Variants in ZNF552 observed in about 807,000 individuals in gnomAD.
ZNF552 encodes zinc finger protein 552.
ZNF552 carries 2 observed loss-of-function variants against 7.2 expected under a neutral mutation model. That is an observed-to-expected ratio of 0.28 (90% CI 0.11 to 0.88). ZNF552 has a LOEUF of 0.88. Ranked by LOEUF, ZNF552 falls within the 40% of genes least tolerant of loss-of-function variation. The pLI is 0.60. For missense variants in ZNF552, 421 were observed against 493.4 expected (o/e 0.85, Z 1.39); for synonymous variants, 173 against 176.5 (o/e 0.98, Z 0.16).
At position 57,814,785 on chromosome 19, in the gene ZNF552, G is replaced by C. The variant is rs1987929851; in HGVS notation, c.-42C>G. The C allele has an allele frequency of 1.3e-6, 2 of 1,522,884 alleles. No homozygotes were observed. The highest frequency in any genetic ancestry group is 1.8e-6 in the Non-Finnish European group (2 of 1,116,066). The allele number at this position is 1,522,884 out of a possible 1,614,324, so 94.3% of individuals were successfully genotyped here. A position where few individuals can be genotyped will look rare whatever the true frequency, so the allele number is the denominator to read the frequency against. ...AGCTGGGTTGAGAGCAGCGGGCGCC[G>C]TTAAAGAGCTGCAGAGTCACGTCTG... On this transcript the variant is annotated 5_prime_UTR_variant, in exon 1 of 3. Transcript: ENST00000391701.
At chr19:57,810,443 T>TA (rs1332346874) in intron 2 of ZNF552, among the ~76,000 whole-genome samples, 1 of 152,206 alleles carries the variant, frequency 6.6e-6, no homozygotes, top group Non-Finnish European at 1.5e-5. Flanking sequence ...GAGATGCTGT[T>TA]AATCTGTAAC....
At chr19:57,809,218 C>G in intron 2 of ZNF552, 115 bp from the exon 3 acceptor site, 1 of 1,599,752 alleles carries the variant, frequency 6.3e-7, no homozygotes, top group Non-Finnish European at 8.5e-7. Context: ...CTTGGAGGAA[C>G]AGGATGTTGG....
chr19:57,811,259 G>A (rs1043594946), intron 2 of ZNF552, among the ~76,000 whole-genome samples: 3 of 151,950 alleles, frequency 2.0e-5, no homozygotes, highest in Non-Finnish European at 4.4e-5. Context: ...TGCAAGCTCC[G>A]CCTGCCGGGT....
At position 57,807,917 on chromosome 19, in the gene ZNF552, G is replaced by A; in HGVS notation, c.*123C>T. The A allele has an allele frequency of 7.8e-7, 1 of 1,290,128 alleles. No homozygotes were observed. The highest frequency in any genetic ancestry group is 2.4e-5 in the East Asian group (1 of 41,792). 79.9% of individuals were successfully genotyped at this position (1,290,128 alleles called of 1,614,324 possible). ...TTACTTGTAAGGACTCTTCTCTAGTGTGAACTCTCCAATATCCAAGGAGAG... is the reference window on the plus strand; with the variant it reads ...TTACTTGTAAGGACTCTTCTCTAGTATGAACTCTCCAATATCCAAGGAGAG... On this transcript the variant is annotated 3_prime_UTR_variant, in exon 3 of 3. Transcript: ENST00000391701.
Position 57,808,059 on chromosome 19 carries a change from T to C in ZNF552, c.1205A>G (p.His402Arg). The change falls in exon 3 of 3, where the codon CAC (histidine) becomes CGC (arginine). Residue 402 changes from histidine (H) to arginine (R), a missense_variant. Transcript: ENST00000391701. ...CTGCACTCATAAGCCCTTTCTTTTGTGAACTCTCTGATGATGACGAAGTGA... is the reference window on the plus strand; with the variant it reads ...CTGCACTCATAAGCCCTTTCTTTTGCGAACTCTCTGATGATGACGAAGTGA... The part of the protein sequence containing the change: ...ISSLRHHQRV[H>R]KRKGL 1 of 1,611,404 alleles carries C rather than the reference T, an allele frequency of 6.2e-7. No individual in the cohort carries two copies. Among genetic ancestry groups the C allele is most frequent in the South Asian group, 1.1e-5 (1 of 90,776 alleles).
In ZNF552 at chr19:57,808,647, T is replaced by G. The variant is rs371606139; in HGVS notation, c.617A>C (p.His206Pro). 10 of 1,614,062 alleles carry G rather than the reference T, an allele frequency of 6.2e-6. No individual in the cohort carries two copies. The African/African-American group carries it at 1.2e-4, about 19-fold the overall frequency. Reference protein sequence around the residue: ...NSKTECVSLFHGGKSHYSCGG... With the variant: ...NSKTECVSLFPGGKSHYSCGG... ...ACAGCTGTAATGGCTTTTTCCCCCA[T>G]GAAACAGAGACACACACTCAGTTTT... The change falls in exon 3 of 3, where the codon CAT becomes CCT. Residue 206 changes from histidine to proline, a missense_variant. This residue lies in a region of ZNF552 where 299 missense variants were observed against 293.7 expected (regional missense o/e 1.02). Transcript: ENST00000391701.
rs375836877 is a variant in ZNF552, at chr19:57,813,274, G to A, written c.160+20C>T. 1.9e-6 allele frequency: 3 copies of A among 1,613,878 alleles called. No homozygotes were observed. The highest frequency in any genetic ancestry group is 2.5e-6 in the Non-Finnish European group (3 of 1,179,946). ...GACAGAGACTAGCTCAGGTCACAGG[G>A]GTGAGTGTGGGCAACTTACCCAGGG... On this transcript the variant is annotated intron_variant, in intron 2 of 2. Coordinates refer to ENST00000391701, the MANE Select transcript of ZNF552 (RefSeq NM_024762.3).
Position 57,808,487 on chromosome 19 carries a change from TTGA to T in ZNF552, c.774_776del (p.His258del), listed in dbSNP as rs1987786238. ...AAGGTTTTTCTCTAGTGTGAACTCC[TTGA>T]TGATTACTGAAGCTGTCATATTTGC... is the stretch of plus-strand genomic sequence containing the variant. On this transcript the variant is annotated inframe_deletion, in exon 3 of 3. Transcript: ENST00000391701. 1 of 1,613,908 alleles carries T rather than the reference TTGA, an allele frequency of 6.2e-7. No homozygotes were observed. The highest frequency in any genetic ancestry group is 8.5e-7 in the Non-Finnish European group (1 of 1,179,878).
chr19:57,809,176 C>G lies in ZNF552; in HGVS notation c.161-73G>C, dbSNP rs188557314. On this transcript the variant is annotated intron_variant, in intron 2 of 2. Coordinates refer to ENST00000391701, the MANE Select transcript of ZNF552 (RefSeq NM_024762.3). ...AGGCACAGACCACCCACAAGTGTAT[C>G]TGAAAAACTGAGGAATTACTCCAAG... 557 of 1,603,780 alleles carry G rather than the reference C, an allele frequency of 3.5e-4. 1 individual carries two copies. Among genetic ancestry groups the G allele is most frequent in the South Asian group, 2.1e-3 (185 of 89,922 alleles).
rs1987931116 is a variant in ZNF552 at position 57,814,847 on chromosome 19, A to C, written c.-104T>G. 8.2e-7 allele frequency: 1 copy of C among 1,215,268 alleles called. No homozygotes were observed. Among genetic ancestry groups the C allele is most frequent in the Non-Finnish European group, 1.2e-6 (1 of 868,612 alleles). The allele number at this position is 1,215,268 out of a possible 1,614,324, so 75.3% of individuals were successfully genotyped here. A position where few individuals can be genotyped will look rare whatever the true frequency, so the allele number is the denominator to read the frequency against. ...GAACGACTCTCGACCTCCTGGATCC[A>C]GTCACCACCACGGTCCCAACACAGC... is the stretch of plus-strand genomic sequence containing the variant. On this transcript the variant is annotated 5_prime_UTR_variant, in exon 1 of 3. Transcript: ENST00000391701.
At chr19:57,813,248 A>C in intron 2 of ZNF552, 46 bp downstream of exon 2, 1 of 1,607,874 alleles carries the variant, frequency 6.2e-7, no homozygotes, top group Non-Finnish European at 8.5e-7. Context: ...AGAGGGGGAA[A>C]GACAGAGACT....
At chr19:57,809,134 T>C (rs1987807011) in intron 2 of ZNF552, 31 bp from the exon 3 acceptor site, 1 of 1,542,582 alleles carries the variant, frequency 6.5e-7, no homozygotes, top group Non-Finnish European at 8.8e-7. Flanking sequence ...GTGAAGTGCA[T>C]GTTAACTCTG....
At chr19:57,813,723 C>A (rs1235141913) in intron 1 of ZNF552, among the ~76,000 whole-genome samples, 1 of 146,040 alleles carries the variant, frequency 6.8e-6, no homozygotes, top group Non-Finnish European at 1.5e-5. Flanking sequence ...CCTCTCTGAA[C>A]GCACCTCATT....
At chr19:57,811,715 CAAAAA>C (rs1162967437) in intron 2 of ZNF552, among the ~76,000 whole-genome samples, 1 of 49,700 alleles carries the variant, frequency 2.0e-5, no homozygotes, top group African/African-American at 9.4e-5. Flanking sequence ...AACTCCATCT[CAAAAA>C]AAAAAAAAAA....
Position 57,807,489 on chromosome 19 carries a change from G to A in ZNF552, c.*551C>T, listed in dbSNP as rs60267176. On this transcript the variant is annotated 3_prime_UTR_variant, in exon 3 of 3. Transcript: ENST00000391701. ...AGAATGGCATGAACCCAGGAGGCAG[G>A]GCTTGCAGTGAGCCGAGATTATGCC... The A allele has an allele frequency of 1.3e-5, 2 of 152,424 alleles. No individual in the cohort carries two copies. The highest frequency in any genetic ancestry group is 2.9e-5 in the Non-Finnish European group (2 of 68,220). 9.4% of individuals were successfully genotyped at this position (152,424 alleles called of 1,614,324 possible).
At chr19:57,814,401 G>A in intron 1 of ZNF552, 2 of 938,504 alleles carry the variant, frequency 2.1e-6, no homozygotes, top group Non-Finnish European at 3.2e-6. Context: ...TGATTTCACA[G>A]CCCCCAGCCT....
chr19:57,811,241 C>CGGCTCACT lies in ZNF552; in HGVS notation c.160+2045_160+2052dup, dbSNP rs1286896211. Reference sequence around the variant, plus strand: ...AGGCTGGAGTGCGGTGGCACAATCGCGGCTCACTGCAAGCTCCGCCTGCCG... The same window carrying CGGCTCACT: ...AGGCTGGAGTGCGGTGGCACAATCGCGGCTCACTGGCTCACTGCAAGCTCCGCCTGCCG... On this transcript the variant is annotated intron_variant, in intron 2 of 2. Transcript: ENST00000391701. Among the ~76,000 whole-genome samples, 3 of 152,064 alleles carry CGGCTCACT rather than the reference C, an allele frequency of 2.0e-5. No homozygotes were observed. In the East Asian group the frequency reaches 5.8e-4, roughly 30 times the overall value.
At position 57,807,940 on chromosome 19, in the gene ZNF552, G is replaced by C; in HGVS notation, c.*100C>G. ...GTGTGAACTCTCCAATATCCAAGGA[G>C]AGCAGACCTTTGGGTAAACATTTTC... On this transcript the variant is annotated 3_prime_UTR_variant, in exon 3 of 3. Transcript: ENST00000391701. 2 of 1,410,420 alleles carry C rather than the reference G, an allele frequency of 1.4e-6. No homozygotes were observed. The highest frequency in any genetic ancestry group is 1.4e-5 in the South Asian group (1 of 70,576). 87.4% of individuals were successfully genotyped at this position (1,410,420 alleles called of 1,614,324 possible).
chr19:57,814,833 G>T lies in ZNF552; in HGVS notation c.-90C>A. Reference sequence around the variant, plus strand: ...CTGTGCAAAGAGAAGAACGACTCTCGACCTCCTGGATCCAGTCACCACCAC... The same window carrying T: ...CTGTGCAAAGAGAAGAACGACTCTCTACCTCCTGGATCCAGTCACCACCAC... On this transcript the variant is annotated 5_prime_UTR_variant, in exon 1 of 3. Coordinates refer to ENST00000391701, the MANE Select transcript of ZNF552 (RefSeq NM_024762.3). The T allele has an allele frequency of 7.5e-7, 1 of 1,326,588 alleles. No homozygotes were observed. The highest frequency in any genetic ancestry group is 1.0e-6 in the Non-Finnish European group (1 of 958,184). 82.2% of individuals were successfully genotyped at this position (1,326,588 alleles called of 1,614,324 possible).
Sources: allele counts gnomAD v4.1 joint callset (sites outside exome capture counted in the v4.1 genomes callset), GRCh38; gene constraint gnomAD v4.1.1; regional missense constraint gnomAD v4.1.1; transcripts MANE v1.5; gene names NCBI Gene and HGNC (gene_info 2026-07-23, HGNC 2026-07-21).